NFU1: variants seen among roughly 807,000 people sequenced by gnomAD.
NFU1 encodes NFU1 iron-sulfur cluster scaffold.
NFU1 carries 30 observed loss-of-function variants against 32.2 expected under a neutral mutation model. That is an observed-to-expected ratio of 0.93 (90% CI 0.70 to 1.26). NFU1 has a LOEUF of 1.26. NFU1 is among the 50% of genes most tolerant of loss of function. NFU1 has a pLI of 0.00. For synonymous variants in NFU1, 112 were observed against 104.6 expected (o/e 1.07, Z -0.43); for missense variants, 306 against 306.6 (o/e 1.00, Z 0.02).
At chr2:69,426,141 T>C (rs1384792199) in intron 2 of NFU1, among the ~76,000 whole-genome samples, 3 of 151,944 alleles carry the variant, frequency 2.0e-5, no homozygotes, top group African/African-American at 7.3e-5. Flanking sequence ...CCCAGCTAAT[T>C]TTTGATTTTT....
At chr2:69,433,499 T>C (rs1457800565) in intron 1 of NFU1, among the ~76,000 whole-genome samples, 1 of 151,044 alleles carries the variant, frequency 6.6e-6, no homozygotes, top group East Asian at 2.0e-4. Context: ...TTTTTGAGAC[T>C]GAGTCTCACT....
intron 5 of NFU1, among the ~76,000 whole-genome samples, chr2:69,413,482 C>A (rs1267602707): frequency 6.6e-6 from 1 of 152,200 alleles, no homozygotes; most frequent in Non-Finnish European, 1.5e-5. Flanking sequence ...AAGCTCTCGG[C>A]CAGGCAGGGT....
At chr2:69,410,683 C>T (rs972938385) in intron 5 of NFU1, 32 of 152,198 alleles carry the variant, frequency 2.1e-4, no homozygotes, top group Admixed American at 5.9e-4. Flanking sequence ...AAAAGAAGAA[C>T]GCTTTATGAT....
upstream of NFU1, chr2:69,437,555 G>T: frequency 4.5e-6 from 5 of 1,116,184 alleles, no homozygotes; most frequent in Middle Eastern, 2.4e-4. Flanking sequence ...CTGCGGATAA[G>T]TGCGGTGGCC....
At chr2:69,435,945 T>C (rs915281484) in intron 1 of NFU1, among the ~76,000 whole-genome samples, 1 of 148,942 alleles carries the variant, frequency 6.7e-6, no homozygotes, top group Non-Finnish European at 1.5e-5. Context: ...AGTTTCACCA[T>C]GTTGGCCAGA....
intron 6 of NFU1, among the ~76,000 whole-genome samples, chr2:69,405,033 G>C (rs1672652524): frequency 6.6e-6 from 1 of 151,170 alleles, no homozygotes; most frequent in South Asian, 2.1e-4. Context: ...CGGATCACAA[G>C]GTCAGGAGTT....
intron 1 of NFU1, 196 bp downstream of exon 1, chr2:69,437,165 G>T: frequency 8.0e-7 from 1 of 1,248,782 alleles, no homozygotes; most frequent in Non-Finnish European, 1.1e-6. Flanking sequence ...GAGTCCGCCC[G>T]GATTAGGCCA....
At chr2:69,423,520 A>C in intron 3 of NFU1, 62 bp downstream of exon 3, 2 of 1,488,150 alleles carry the variant, frequency 1.3e-6, no homozygotes, top group Non-Finnish European at 1.9e-6. Context: ...GAGTTGTCTT[A>C]ACCCCAAAGT....
chr2:69,415,089 C>A, intron 5 of NFU1, 96 bp downstream of exon 5: 1 of 713,912 alleles, frequency 1.4e-6, no homozygotes, highest in Non-Finnish European at 2.5e-6. Context: ...TGATAGAAAT[C>A]TAGATTCCTA....
At chr2:69,402,663 C>T (rs1201391026) in intron 6 of NFU1, among the ~76,000 whole-genome samples, 1 of 152,006 alleles carries the variant, frequency 6.6e-6, no homozygotes, top group Admixed American at 6.6e-5. Flanking sequence ...CTCACTGTAA[C>T]CTCCGCCTCC....
intron 6 of NFU1, 133 bp from the exon 7 acceptor site, chr2:69,400,671 A>G: frequency 1.4e-6 from 1 of 728,732 alleles, no homozygotes; most frequent in South Asian, 2.1e-5. Flanking sequence ...ATAATACAGA[A>G]TAATAACTGT....
At chr2:69,405,484 T>A (rs955800938) in intron 6 of NFU1, among the ~76,000 whole-genome samples, 2 of 152,176 alleles carry the variant, frequency 1.3e-5, no homozygotes, top group Non-Finnish European at 2.9e-5. Context: ...GAGCTTCCCT[T>A]CTCTCCAGGA....
chr2:69,428,126 A>C (rs1673526004), intron 2 of NFU1, among the ~76,000 whole-genome samples: 1 of 152,040 alleles, frequency 6.6e-6, no homozygotes, highest in Non-Finnish European at 1.5e-5. Flanking sequence ...TAACAATTAA[A>C]ATTTATTCAG....
At chr2:69,417,409 G>A (rs7598074) in intron 4 of NFU1, among the ~76,000 whole-genome samples, 1,889 of 151,654 alleles carry the variant, frequency 0.012, 43 homozygotes, top group African/African-American at 0.043. Context: ...TTGGGAGGCC[G>A]AGACAGAAGG....
chr2:69,421,150 G>A (rs1673225611), intron 3 of NFU1, among the ~76,000 whole-genome samples: 1 of 152,028 alleles, frequency 6.6e-6, no homozygotes, highest in Admixed American at 6.6e-5. Flanking sequence ...GTTGCAGTGA[G>A]CCAAGATCAC....
intron 1 of NFU1, among the ~76,000 whole-genome samples, chr2:69,434,863 T>G (rs1673775881): frequency 6.6e-6 from 1 of 152,200 alleles, no homozygotes; most frequent in Non-Finnish European, 1.5e-5. Flanking sequence ...AAGGATAGAC[T>G]GGCAGGCCAG....
At chr2:69,433,385 G>A (rs1435119272) in intron 1 of NFU1, among the ~76,000 whole-genome samples, 1 of 151,768 alleles carries the variant, frequency 6.6e-6, no homozygotes, top group East Asian at 2.0e-4. Flanking sequence ...TCACCATGTT[G>A]GCCAGGATGG....
At chr2:69,438,917 C>A (rs1673954554), upstream of NFU1, among the ~76,000 whole-genome samples, 2 of 134,270 alleles carry the variant, frequency 1.5e-5, no homozygotes, top group South Asian at 2.9e-4. Flanking sequence ...CCCCCCCACA[C>A]ACACCCATTC....
rs574558943 is a variant in NFU1, at chr2:69,400,060, C to T, written c.720+304G>A. 2.6e-5 allele frequency among the ~76,000 whole-genome samples: 4 copies of T among 152,128 alleles called. No homozygotes were observed. The South Asian group carries it at 8.3e-4, about 32-fold the overall frequency. On this transcript the variant is annotated intron_variant, in intron 7 of 7. Transcript: ENST00000410022. ...GCTAATTTTGTATTTTTAGTAGAGA[C>T]GGGGTTTTCTCCATGTTGGTCAGGC...
Sources: allele counts gnomAD v4.1 joint callset (sites outside exome capture counted in the v4.1 genomes callset), GRCh38; gene constraint gnomAD v4.1.1; transcripts MANE v1.5; gene names NCBI Gene and HGNC (gene_info 2026-07-23, HGNC 2026-07-21).